Variants in LRMDA observed in about 807,000 individuals in gnomAD.
LRMDA encodes the protein leucine rich melanocyte differentiation associated.
In LRMDA, 18 loss-of-function variants were observed where a neutral mutation model predicts 29.8. The observed-to-expected ratio is 0.60, with a 90% confidence interval of 0.42 to 0.90. The LOEUF (loss-of-function observed/expected upper bound fraction) is 0.90, where lower values mean the gene tolerates loss of function less well. Among genes scored for constraint, LRMDA ranks in the 40% least tolerant of loss-of-function variants. LRMDA has a pLI of 0.00. For synonymous variants in LRMDA, 125 were observed against 109.4 expected, an observed-to-expected ratio of 1.14 and a Z score of -0.89; for missense variants, 273 against 273.9, an observed-to-expected ratio of 1.00 and a Z score of 0.02.
chr10:76,510,541 C>T (rs991622118), intron 6 of LRMDA, among the ~76,000 whole-genome samples: 2 of 152,126 alleles, frequency 1.3e-5, no homozygotes, highest in African/African-American at 4.8e-5. Flanking sequence ...AGAGCACAGA[C>T]AGGGAGATCA....
intron 2 of LRMDA, among the ~76,000 whole-genome samples, chr10:75,810,783 C>A (rs1185190427): frequency 6.6e-6 from 1 of 152,170 alleles, no homozygotes; most frequent in Non-Finnish European, 1.5e-5. Flanking sequence ...AAGAGGTGGA[C>A]TATATGCATC....
At chr10:76,062,017 T>G (rs1330922166) in intron 5 of LRMDA, among the ~76,000 whole-genome samples, 1 of 152,204 alleles carries the variant, frequency 6.6e-6, no homozygotes, top group Non-Finnish European at 1.5e-5. Flanking sequence ...TGCAGGTGTG[T>G]ATACCCGCTT....
At chr10:76,491,625 G>A (rs985011116) in intron 6 of LRMDA, among the ~76,000 whole-genome samples, 7 of 151,724 alleles carry the variant, frequency 4.6e-5, no homozygotes, top group South Asian at 2.1e-4. Context: ...GGCCTTTGGG[G>A]GTTTGATTAT....
chr10:75,762,003 A>T (rs1412029727), intron 2 of LRMDA, among the ~76,000 whole-genome samples: 3 of 151,984 alleles, frequency 2.0e-5, no homozygotes, highest in African/African-American at 7.3e-5. Context: ...AGGTTTTGCC[A>T]TGTTGCCCAG....
At position 75,540,137 on chromosome 10, in the gene LRMDA, G is replaced by A. The variant is rs1228725828; in HGVS notation, c.131+101643G>A. Among the ~76,000 whole-genome samples the A allele has an allele frequency of 3.9e-5, 6 of 152,296 alleles. No homozygotes were observed. In the East Asian group the frequency reaches 1.2e-3, roughly 29 times the overall value. On this transcript the variant is annotated intron_variant, in intron 2 of 6. Transcript: ENST00000611255. Reference sequence around the variant, plus strand: ...ATATTGAAAATAAAGCAGGAGTAAAGGGTTAGGTGCCTCAGAAGTGGGTGT... The same window carrying A: ...ATATTGAAAATAAAGCAGGAGTAAAAGGTTAGGTGCCTCAGAAGTGGGTGT...
At chr10:76,256,283 A>G (rs753494305) in intron 5 of LRMDA, among the ~76,000 whole-genome samples, 3 of 152,214 alleles carry the variant, frequency 2.0e-5, no homozygotes, top group Non-Finnish European at 2.9e-5. Context: ...AGAGCCATCA[A>G]TGGTCTTCAT....
At chr10:76,035,904 C>A in intron 2 of LRMDA, 104 bp from the exon 3 acceptor site, 3 of 1,191,858 alleles carry the variant, frequency 2.5e-6, no homozygotes, top group South Asian at 1.5e-5. Flanking sequence ...CAAGCCCAAA[C>A]TATTCCCAGT....
At chr10:75,698,972 G>A (rs565940538) in intron 2 of LRMDA, among the ~76,000 whole-genome samples, 12 of 152,090 alleles carry the variant, frequency 7.9e-5, no homozygotes, top group East Asian at 7.7e-4. Context: ...AGGCTGAGGC[G>A]GGTGGATCAC....
chr10:75,979,905 C>T (rs899559332), intron 2 of LRMDA, among the ~76,000 whole-genome samples: 3 of 152,050 alleles, frequency 2.0e-5, no homozygotes, highest in African/African-American at 7.3e-5. Flanking sequence ...AATATGTAGC[C>T]CTCTCTGGGT....
chr10:76,297,232 A>G (rs1171432528), intron 5 of LRMDA, among the ~76,000 whole-genome samples: 1 of 152,252 alleles, frequency 6.6e-6, no homozygotes, highest in African/African-American at 2.4e-5. Flanking sequence ...TGTAAATCGC[A>G]AATATTCCAC....
At chr10:75,716,316 C>G (rs1053931340) in intron 2 of LRMDA, among the ~76,000 whole-genome samples, 6 of 152,198 alleles carry the variant, frequency 3.9e-5, no homozygotes, top group Non-Finnish European at 4.4e-5. Flanking sequence ...TTGGCGATAT[C>G]ATGAGCTGGC....
intron 5 of LRMDA, among the ~76,000 whole-genome samples, chr10:76,273,962 C>CT (rs1589405381): frequency 6.6e-6 from 1 of 152,004 alleles, no homozygotes; most frequent in Non-Finnish European, 1.5e-5. Context: ...TACATACTAC[C>CT]TTTTTTTAGA....
chr10:75,765,828 G>A (rs1042290891), intron 2 of LRMDA, among the ~76,000 whole-genome samples: 4 of 134,990 alleles, frequency 3.0e-5, no homozygotes, highest in African/African-American at 5.6e-5. Flanking sequence ...CTCTCCAGCC[G>A]CTGGGGTGCC....
intron 2 of LRMDA, among the ~76,000 whole-genome samples, chr10:75,732,782 T>TCCA (rs1842715531): frequency 6.6e-6 from 1 of 152,186 alleles, no homozygotes; most frequent in Non-Finnish European, 1.5e-5. Flanking sequence ...TTGATAGAGT[T>TCCA]CTGGATACCC....
chr10:75,819,532 T>A (rs567358660), intron 2 of LRMDA, among the ~76,000 whole-genome samples: 2 of 152,354 alleles, frequency 1.3e-5, no homozygotes, highest in South Asian at 4.1e-4. Context: ...TTACCTTTTT[T>A]TGACTATGAT....
chr10:76,343,956 T>C (rs1035548513), intron 6 of LRMDA, among the ~76,000 whole-genome samples: 10 of 151,988 alleles, frequency 6.6e-5, no homozygotes, highest in Non-Finnish European at 1.2e-4. Context: ...TAGCTGGGAT[T>C]ACAGACCCGT....
intron 6 of LRMDA, among the ~76,000 whole-genome samples, chr10:76,332,716 T>C (rs183871025): frequency 7.9e-4 from 120 of 152,294 alleles, no homozygotes; most frequent in African/African-American, 2.7e-3. Flanking sequence ...TGCCCCTTTT[T>C]ATAAAGAAAA....
At chr10:76,289,166 C>T (rs888731573) in intron 5 of LRMDA, among the ~76,000 whole-genome samples, 1 of 152,058 alleles carries the variant, frequency 6.6e-6, no homozygotes, top group Admixed American at 6.6e-5. Context: ...ACAAACTTGG[C>T]CTGTGTGGTG....
chr10:76,093,865 G>C (rs1030875819), intron 5 of LRMDA, among the ~76,000 whole-genome samples: 2 of 152,186 alleles, frequency 1.3e-5, no homozygotes, highest in Non-Finnish European at 2.9e-5. Context: ...ATCTGCAGCT[G>C]TGTTACCTTC....
Sources: allele counts gnomAD v4.1 joint callset (sites outside exome capture counted in the v4.1 genomes callset), GRCh38; gene constraint gnomAD v4.1.1; transcripts MANE v1.5; gene names NCBI Gene and HGNC (gene_info 2026-07-23, HGNC 2026-07-21).